Variants in RIMS4 observed in about 807,000 individuals in gnomAD.
RIMS4 encodes the protein regulating synaptic membrane exocytosis 4.
A neutral mutation model predicts 29.0 loss-of-function variants in RIMS4; 9 were observed. That is an observed-to-expected ratio of 0.31 (90% CI 0.19 to 0.54). The LOEUF (loss-of-function observed/expected upper bound fraction) is 0.54, where lower values mean the gene tolerates loss of function less well. Among genes scored for constraint, RIMS4 ranks in the 20% least tolerant of loss-of-function variants. RIMS4 has a pLI of 0.94. For missense variants in RIMS4, 193 were observed against 365.7 expected (o/e 0.53, Z 3.85); for synonymous variants, 130 against 152.9 (o/e 0.85, Z 1.10).
intron 1 of RIMS4, among the ~76,000 whole-genome samples, chr20:44,792,062 T>C (rs1005910517): frequency 6.6e-6 from 1 of 152,112 alleles, no homozygotes; most frequent in African/African-American, 2.4e-5. Context: ...GACTCAGCAC[T>C]CTCTGCTAAA....
chr20:44,772,931 G>A (rs1170697767), intron 1 of RIMS4, among the ~76,000 whole-genome samples: 2 of 152,122 alleles, frequency 1.3e-5, no homozygotes, highest in Non-Finnish European at 1.5e-5. Flanking sequence ...CTTCCTCCCT[G>A]CCTCTAAGAA....
At chr20:44,777,156 G>A (rs1026905004) in intron 1 of RIMS4, among the ~76,000 whole-genome samples, 5 of 152,160 alleles carry the variant, frequency 3.3e-5, no homozygotes, top group African/African-American at 9.7e-5. Flanking sequence ...TGTTTACAGC[G>A]TGAGCTCATT....
intron 2 of RIMS4, among the ~76,000 whole-genome samples, chr20:44,764,255 C>CATCCATCCATCCATT (rs1325046131): frequency 7.6e-5 from 11 of 144,390 alleles, no homozygotes; most frequent in South Asian, 4.5e-4. Flanking sequence ...TCCATCCATC[C>CATCCATCCATCCATT]TCCCACAAAC....
intron 3 of RIMS4, 105 bp from the exon 4 acceptor site, chr20:44,757,876 C>T: frequency 8.9e-7 from 1 of 1,120,400 alleles, no homozygotes; most frequent in Non-Finnish European, 1.3e-6. Flanking sequence ...CCCCTGCTCC[C>T]AGCCCAGAAT....
At chr20:44,788,903 A>G (rs1352710188) in intron 1 of RIMS4, among the ~76,000 whole-genome samples, 1 of 152,208 alleles carries the variant, frequency 6.6e-6, no homozygotes, top group African/African-American at 2.4e-5. Flanking sequence ...GCATGTATTA[A>G]GCACTCAATA....
chr20:44,794,792 A>C (rs1472249315), intron 1 of RIMS4, among the ~76,000 whole-genome samples: 1 of 152,134 alleles, frequency 6.6e-6, no homozygotes, highest in African/African-American at 2.4e-5. Flanking sequence ...AGATATCACT[A>C]TCCTGGCCTG....
At chr20:44,795,681 T>C (rs746193392) in intron 1 of RIMS4, among the ~76,000 whole-genome samples, 1 of 151,932 alleles carries the variant, frequency 6.6e-6, no homozygotes, top group Non-Finnish European at 1.5e-5. Context: ...AGAGTAGTTT[T>C]GGGGCTCGAA....
intron 2 of RIMS4, among the ~76,000 whole-genome samples, chr20:44,766,832 C>T (rs2066115822): frequency 6.6e-6 from 1 of 152,186 alleles, no homozygotes; most frequent in African/African-American, 2.4e-5. Flanking sequence ...AGTCTGCATG[C>T]CTTTGCCCAG....
intron 1 of RIMS4, among the ~76,000 whole-genome samples, chr20:44,790,918 A>G (rs2066229886): frequency 6.6e-6 from 1 of 152,196 alleles, no homozygotes; most frequent in African/African-American, 2.4e-5. Flanking sequence ...TTCTATAAGA[A>G]CGGGAGCAGA....
Position 44,752,593 on chromosome 20 carries a change from G to A in RIMS4, c.*3541C>T, listed in dbSNP as rs1256788456. On this transcript the variant is annotated 3_prime_UTR_variant, in exon 6 of 6. Transcript: ENST00000372851. The stretch of plus-strand genomic sequence containing the variant: ...CTTTGAAATGGGGATGACGGCACAG[G>A]CCACCACCTACTCCCCAGGGGCTCT... The A allele has an allele frequency of 6.6e-6, 1 of 152,396 alleles. No homozygotes were observed. Among genetic ancestry groups the A allele is most frequent in the Non-Finnish European group, 1.5e-5 (1 of 68,190 alleles). 9.4% of individuals were successfully genotyped at this position (152,396 alleles called of 1,614,324 possible).
rs1428905468 is a variant in RIMS4, at chr20:44,758,192, A to C, written c.237-8T>G. 2.5e-6 allele frequency: 4 copies of C among 1,598,920 alleles called. No individual in the cohort carries two copies. The highest frequency in any genetic ancestry group is 3.4e-6 in the Non-Finnish European group (4 of 1,169,344). On this transcript the variant is annotated splice_polypyrimidine_tract_variant and splice_region_variant and intron_variant, in intron 2 of 5. Transcript: ENST00000372851. ...ACTCCTCCATAGTTAAGGCTGCAAGAGGAAAAGGTGAGACAAAGCACACAT... is the reference window on the plus strand; with the variant it reads ...ACTCCTCCATAGTTAAGGCTGCAAGCGGAAAAGGTGAGACAAAGCACACAT...
chr20:44,764,205 TCCATCCAC>T (rs2066102945), intron 2 of RIMS4, among the ~76,000 whole-genome samples: 2 of 150,896 alleles, frequency 1.3e-5, no homozygotes, highest in African/African-American at 4.9e-5. Flanking sequence ...CATCCATCCA[TCCATCCAC>T]CCATCCATCC....
Position 44,757,036 on chromosome 20 carries a change from C to T in RIMS4, c.453G>A (p.Ala151=), listed in dbSNP as rs1477912288. 2.5e-6 allele frequency: 4 copies of T among 1,613,350 alleles called. No homozygotes were observed. The highest frequency in any genetic ancestry group is 2.7e-5 in the African/African-American group (2 of 74,986). Residue 151 remains alanine (A), a splice_region_variant and synonymous_variant, in exon 5 of 6, where the codon GCG becomes GCA. Transcript: ENST00000372851. The part of the protein sequence containing the change: ...TAKPGSKTLP[A]AYIKAYLLEN... ...CTAGCAGGTAGGCCTTGATGTAGGC[C>T]GCTGGGGATAGAGGCCAGCAGGGGT... is the stretch of plus-strand genomic sequence containing the variant.
intron 1 of RIMS4, among the ~76,000 whole-genome samples, chr20:44,777,577 G>A (rs572480454): frequency 1.3e-5 from 2 of 152,298 alleles, no homozygotes; most frequent in East Asian, 1.9e-4. Flanking sequence ...TACCAGATAA[G>A]ACAGAGCTAG....
chr20:44,770,732 A>G (rs556690831), intron 2 of RIMS4, among the ~76,000 whole-genome samples: 1 of 152,322 alleles, frequency 6.6e-6, no homozygotes, highest in Non-Finnish European at 1.5e-5. Flanking sequence ...TAGTGAGCTG[A>G]TGCTCAAGAA....
chr20:44,785,018 C>T (rs974117192), intron 1 of RIMS4, among the ~76,000 whole-genome samples: 1 of 152,230 alleles, frequency 6.6e-6, no homozygotes, highest in Non-Finnish European at 1.5e-5. Context: ...GAGGTCAATG[C>T]TGCTGGTCTG....
At chr20:44,776,087 T>C (rs1257102573) in intron 1 of RIMS4, among the ~76,000 whole-genome samples, 3 of 151,996 alleles carry the variant, frequency 2.0e-5, no homozygotes, top group Non-Finnish European at 2.9e-5. Context: ...CAGACCAGCC[T>C]GGGCAACATA....
intron 1 of RIMS4, among the ~76,000 whole-genome samples, chr20:44,802,673 A>C (rs1182380543): frequency 6.6e-6 from 1 of 152,208 alleles, no homozygotes; most frequent in African/African-American, 2.4e-5. Flanking sequence ...GAACATAAAA[A>C]ACAGGGATTC....
chr20:44,757,819 A>C, intron 3 of RIMS4, 48 bp from the exon 4 acceptor site: 191 of 1,500,054 alleles, frequency 1.3e-4, no homozygotes, highest in Middle Eastern at 1.7e-4. Context: ...TCAGAAGCTC[A>C]AGCTTGGACT....
Sources: allele counts gnomAD v4.1 joint callset (sites outside exome capture counted in the v4.1 genomes callset), GRCh38; gene constraint gnomAD v4.1.1; transcripts MANE v1.5; gene names NCBI Gene and HGNC (gene_info 2026-07-23, HGNC 2026-07-21).